The following SIPA1L1 variants were observed in gnomAD, a reference collection of about 807,000 sequenced individuals.
SIPA1L1 encodes signal induced proliferation associated 1 like 1, also known as signal-induced proliferation-associated 1-like protein 1.
Under a neutral mutation model 162.7 loss-of-function variants are expected in SIPA1L1, and 26 were observed. The ratio of observed to expected loss-of-function variants is 0.16; its 90% confidence interval spans 0.12 to 0.22. The LOEUF (loss-of-function observed/expected upper bound fraction) is 0.22, where lower values mean the gene tolerates loss of function less well. Ranked by LOEUF, SIPA1L1 falls within the 10% of genes least tolerant of loss-of-function variation. SIPA1L1 has a pLI of 1.00. For synonymous variants in SIPA1L1, 829 were observed against 837.4 expected, an observed-to-expected ratio of 0.99 and a Z score of 0.17; for missense variants, 1,874 against 2,241.0, an observed-to-expected ratio of 0.84 and a Z score of 3.31.
chr14:71,550,887 C>CA (rs1197923094), intron 4 of SIPA1L1, among the ~76,000 whole-genome samples: 2 of 151,972 alleles, frequency 1.3e-5, no homozygotes. Flanking sequence ...TCTATCTCTA[C>CA]AAAAAATAAA....
At chr14:71,670,399 T>C (rs530683071) in intron 10 of SIPA1L1, among the ~76,000 whole-genome samples, 1 of 152,302 alleles carries the variant, frequency 6.6e-6, no homozygotes, top group African/African-American at 2.4e-5. Context: ...AAGGAAAATA[T>C]TTTTCTTAGA....
chr14:71,338,856 C>A (rs1314117718), intron 2 of SIPA1L1, among the ~76,000 whole-genome samples: 1 of 152,056 alleles, frequency 6.6e-6, no homozygotes, highest in African/African-American at 2.4e-5. Flanking sequence ...TCTCCTTCCT[C>A]AGCTTCCCGA....
At chr14:71,495,882 T>A (rs2049711071) in intron 2 of SIPA1L1, among the ~76,000 whole-genome samples, 1 of 77,026 alleles carries the variant, frequency 1.3e-5, no homozygotes. Flanking sequence ...ACACTCCATC[T>A]CTACAAAAAA....
chr14:71,641,692 C>T (rs759512012), intron 7 of SIPA1L1, among the ~76,000 whole-genome samples: 63 of 152,316 alleles, frequency 4.1e-4, no homozygotes, highest in Middle Eastern at 3.4e-3. Flanking sequence ...CACTGCACTC[C>T]AGCCTGGGTG....
intron 7 of SIPA1L1, among the ~76,000 whole-genome samples, chr14:71,633,526 G>A (rs958578568): frequency 6.6e-6 from 1 of 152,068 alleles, no homozygotes; most frequent in African/African-American, 2.4e-5. Context: ...AAAATTGAAG[G>A]TATTAAGGAA....
intron 3 of SIPA1L1, among the ~76,000 whole-genome samples, chr14:71,528,960 A>C (rs952052409): frequency 1.3e-5 from 2 of 152,250 alleles, no homozygotes; most frequent in East Asian, 3.9e-4. Context: ...TAAAAATACA[A>C]AATTAGCTGG....
intron 2 of SIPA1L1, chr14:71,416,380 T>A (rs1452061230): frequency 1.3e-5 from 2 of 152,158 alleles, no homozygotes; most frequent in African/African-American, 4.8e-5. Context: ...GGTTTTTGTT[T>A]TTTTTTTATG....
chr14:71,342,919 A>C (rs550239912), intron 2 of SIPA1L1, among the ~76,000 whole-genome samples: 1 of 152,336 alleles, frequency 6.6e-6, no homozygotes, highest in East Asian at 1.9e-4. Flanking sequence ...AACGAAGATT[A>C]ATTTTAAAAA....
intron 2 of SIPA1L1, among the ~76,000 whole-genome samples, chr14:71,352,492 T>C (rs1250070265): frequency 6.6e-6 from 1 of 152,228 alleles, no homozygotes; most frequent in Non-Finnish European, 1.5e-5. Flanking sequence ...AATGTCATAA[T>C]GTATAATATA....
chr14:71,653,796 G>A (rs2042832334), intron 8 of SIPA1L1, among the ~76,000 whole-genome samples: 2 of 152,066 alleles, frequency 1.3e-5, no homozygotes, highest in Admixed American at 6.6e-5. Flanking sequence ...GTTTAATTCC[G>A]ACAAACCTGC....
At chr14:71,572,958 A>G (rs1176640552) in intron 4 of SIPA1L1, among the ~76,000 whole-genome samples, 1 of 152,228 alleles carries the variant, frequency 6.6e-6, no homozygotes, top group South Asian at 2.1e-4. Context: ...AGAGACACTT[A>G]ATGGAAGCAT....
At chr14:71,544,286 T>C (rs1439667580) in intron 4 of SIPA1L1, among the ~76,000 whole-genome samples, 1 of 107,522 alleles carries the variant, frequency 9.3e-6, no homozygotes, top group Non-Finnish European at 2.5e-5. Context: ...CATATGTGTA[T>C]ATACATATAT....
chr14:71,715,267 T>C (rs1475274206), intron 17 of SIPA1L1, among the ~76,000 whole-genome samples: 2 of 152,244 alleles, frequency 1.3e-5, no homozygotes, highest in African/African-American at 4.8e-5. Context: ...TGTGGCCAGT[T>C]GTACCATTTC....
At chr14:71,573,176 A>T (rs2032400562) in intron 4 of SIPA1L1, among the ~76,000 whole-genome samples, 1 of 152,240 alleles carries the variant, frequency 6.6e-6, no homozygotes, top group Admixed American at 6.5e-5. Flanking sequence ...TGCCTGTGGT[A>T]CTATTTGCCT....
intron 4 of SIPA1L1, among the ~76,000 whole-genome samples, chr14:71,581,918 A>G (rs137855539): frequency 1.3e-5 from 2 of 152,142 alleles, no homozygotes; most frequent in Admixed American, 6.5e-5. Context: ...AGCTGTCCCA[A>G]CTTAGGTCTT....
intron 4 of SIPA1L1, among the ~76,000 whole-genome samples, chr14:71,534,529 T>C (rs2053724281): frequency 6.6e-6 from 1 of 152,182 alleles, no homozygotes. Flanking sequence ...TTTCCCAATT[T>C]TGTGAATGAA....
intron 2 of SIPA1L1, among the ~76,000 whole-genome samples, chr14:71,401,182 T>C (rs1338206966): frequency 1.3e-5 from 2 of 152,210 alleles, no homozygotes; most frequent in Non-Finnish European, 2.9e-5. Context: ...TTCAGATTAC[T>C]GTTAATCTGC....
At chr14:71,602,289 A>C (rs1410238549) in intron 5 of SIPA1L1, among the ~76,000 whole-genome samples, 2 of 151,618 alleles carry the variant, frequency 1.3e-5, no homozygotes, top group South Asian at 4.1e-4. Flanking sequence ...AAATTTCTTC[A>C]TTTTCTTTTT....
chr14:71,635,488 A>G (rs575185045), intron 7 of SIPA1L1, among the ~76,000 whole-genome samples: 1 of 152,384 alleles, frequency 6.6e-6, no homozygotes, highest in Non-Finnish European at 1.5e-5. Context: ...GAGTAAAGAG[A>G]CTAAAGAGAG....
Sources: allele counts gnomAD v4.1 joint callset (sites outside exome capture counted in the v4.1 genomes callset), GRCh38; gene constraint gnomAD v4.1.1; transcripts MANE v1.5; gene names NCBI Gene and HGNC (gene_info 2026-07-23, HGNC 2026-07-21).